ZFP90: variants seen among roughly 807,000 people sequenced by gnomAD.
ZFP90 encodes the protein zinc finger protein 90 homolog.
A neutral mutation model predicts 60.8 loss-of-function variants in ZFP90; 38 were observed. That is an observed-to-expected ratio of 0.62 (90% CI 0.48 to 0.82). ZFP90 has a LOEUF of 0.82. Ranked by LOEUF, ZFP90 falls within the 40% of genes least tolerant of loss-of-function variation. ZFP90 has a pLI of 0.00. For synonymous variants in ZFP90, 287 were observed against 264.8 expected, an observed-to-expected ratio of 1.08 and a Z score of -0.82; for missense variants, 711 against 759.1, an observed-to-expected ratio of 0.94 and a Z score of 0.74.
chr16:68,556,769 A>AG (rs1180001991), intron 2 of ZFP90, among the ~76,000 whole-genome samples: 3 of 152,218 alleles, frequency 2.0e-5, no homozygotes, highest in African/African-American at 7.2e-5. Context: ...CTGGACTAGC[A>AG]GGAAAATTAA....
intron 1 of ZFP90, among the ~76,000 whole-genome samples, chr16:68,533,528 T>G (rs2090940930): frequency 6.6e-6 from 1 of 152,216 alleles, no homozygotes. Flanking sequence ...GGAATCATTT[T>G]CCTTCCATTT....
chr16:68,561,616 A>AT (rs1229215558), intron 4 of ZFP90, among the ~76,000 whole-genome samples: 1 of 152,122 alleles, frequency 6.6e-6, no homozygotes, highest in Non-Finnish European at 1.5e-5. Context: ...AGCTCTGTTT[A>AT]TTATGGTATT....
chr16:68,566,279 G>T lies in ZFP90; in HGVS notation c.*1581G>T. 1.0e-6 allele frequency: 1 copy of T among 985,480 alleles called. No individual in the cohort carries two copies. The highest frequency in any genetic ancestry group is 1.2e-6 in the Non-Finnish European group (1 of 829,942). 61.0% of individuals were successfully genotyped at this position (985,480 alleles called of 1,614,324 possible). A position where few individuals can be genotyped will look rare whatever the true frequency, so the allele number is the denominator to read the frequency against. ...TTGGTGTGTTGACATTGACCATGCA[G>T]ACCAATTTGGGCACAACTGGACATT... On this transcript the variant is annotated 3_prime_UTR_variant, in exon 5 of 5. Coordinates refer to ENST00000563169, the MANE Select transcript of ZFP90 (RefSeq NM_001305203.2).
At position 68,558,480 on chromosome 16, in the gene ZFP90, A is replaced by G; in HGVS notation, c.168A>G (p.Gln56=). Residue 56 remains glutamine (Q), a synonymous_variant, in exon 4 of 5, where the codon CAA becomes CAG. Transcript: ENST00000563169. ...GTATTTACCCATGAGCAGGATATCA[A>G]GTTTCCAAGCCAGAGGTGATCTTCA... ...NYSHLVSLGY[Q]VSKPEVIFKL... is the part of the protein sequence containing the mutation. The G allele has an allele frequency of 6.2e-7, 1 of 1,614,008 alleles. No individual in the cohort carries two copies. Among genetic ancestry groups the G allele is most frequent in the Non-Finnish European group, 8.5e-7 (1 of 1,179,972 alleles).
chr16:68,558,656 C>A, intron 4 of ZFP90, 88 bp downstream of exon 4: 1 of 1,200,678 alleles, frequency 8.3e-7, no homozygotes, highest in Non-Finnish European at 1.2e-6. Flanking sequence ...AGCTGGCTTG[C>A]GATCTCCTAG....
At chr16:68,534,418 C>T (rs555044304), upstream of ZFP90, among the ~76,000 whole-genome samples, 40 of 150,204 alleles carry the variant, frequency 2.7e-4, no homozygotes, top group East Asian at 2.0e-3. Flanking sequence ...TTAGTAGAGA[C>T]GGGGTTTCAC....
rs1420830193 is a variant in ZFP90, at chr16:68,567,119, C to T, written c.*2421C>T. On this transcript the variant is annotated 3_prime_UTR_variant, in exon 5 of 5. Transcript: ENST00000563169. ...TCATTGTATTCTTTCAATAAATAGC[C>T]TTCTGAGTTGAATGGGAGTCAGTTT... The T allele has an allele frequency of 3.0e-6, 3 of 985,422 alleles. No individual in the cohort carries two copies. The highest frequency in any genetic ancestry group is 1.7e-5 in the African/African-American group (1 of 57,222). The allele number at this position is 985,422 out of a possible 1,614,324, so 61.0% of individuals were successfully genotyped here.
In ZFP90 at chr16:68,558,649, T is replaced by G. The variant is rs2091386575; in HGVS notation, c.256+81T>G. On this transcript the variant is annotated intron_variant, in intron 4 of 4. Coordinates refer to ENST00000563169, the MANE Select transcript of ZFP90 (RefSeq NM_001305203.2). ...GGAGGGGGAGATACCCTCCAGCAGC[T>G]GGCTTGCGATCTCCTAGATCTGCAT... 9 of 1,282,132 alleles carry G rather than the reference T, an allele frequency of 7.0e-6. No individual in the cohort carries two copies. The South Asian group carries it at 1.1e-4, about 16-fold the overall frequency. The allele number at this position is 1,282,132 out of a possible 1,614,324, so 79.4% of individuals were successfully genotyped here.
intron 2 of ZFP90, among the ~76,000 whole-genome samples, chr16:68,556,992 T>G (rs1415453258): frequency 3.9e-5 from 6 of 152,082 alleles, no homozygotes; most frequent in Non-Finnish European, 7.4e-5. Flanking sequence ...GGAATTGCAT[T>G]TTACTCTCTT....
At chr16:68,538,791 C>A (rs1188197302), upstream of ZFP90, among the ~76,000 whole-genome samples, 1 of 152,074 alleles carries the variant, frequency 6.6e-6, no homozygotes, top group Non-Finnish European at 1.5e-5. Flanking sequence ...TGAAATAACA[C>A]GGCAGTAGAT....
At chr16:68,541,582 C>T (rs2091050499) in intron 2 of ZFP90, among the ~76,000 whole-genome samples, 1 of 152,106 alleles carries the variant, frequency 6.6e-6, no homozygotes, top group Admixed American at 6.5e-5. Flanking sequence ...CAGGCGTGAG[C>T]CACCGGGCCC....
rs1270761775 is a variant in ZFP90 at position 68,564,112 on chromosome 16, G to A, written c.1325G>A (p.Ser442Asn). 2 of 1,614,142 alleles carry A rather than the reference G, an allele frequency of 1.2e-6. No individual in the cohort carries two copies. The highest frequency in any genetic ancestry group is 8.5e-7 in the Non-Finnish European group (1 of 1,180,014). The change falls in exon 5 of 5, where the codon AGC (serine) becomes AAC (asparagine). Residue 442 changes from serine (S) to asparagine (N), a missense_variant. By Grantham distance (46) the Ser-to-Asn change is conservative (BLOSUM62 1). Coordinates refer to ENST00000563169, the MANE Select transcript of ZFP90 (RefSeq NM_001305203.2). ...AGCACATCTCTCACTCAAGATGAAA[G>A]CACTCTTACCGAAGTGAAATCCTAC... is the stretch of plus-strand genomic sequence containing the variant. ...KHSTSLTQDE[S>N]TLTEVKSYHC...
Position 68,574,478 on chromosome 16 carries a change from G to A in ZFP90, c.224-1313G>A, listed in dbSNP as rs117615467. On this transcript the variant is annotated intron_variant, in intron 2 of 2. Transcript: ENST00000573113. ...CTGAATTTCCCACAGAAAATAAGCT[G>A]GCAAACATGTTGAAAAAAAAAAAAT... Among the ~76,000 whole-genome samples, 998 of 111,396 alleles carry A rather than the reference G, an allele frequency of 9.0e-3. 10 individuals carry two copies. The highest frequency in any genetic ancestry group is 0.015 in the Non-Finnish European group (822 of 55,466). The allele number at this position is 111,396 out of a possible 152,430, so 73.1% of individuals were successfully genotyped here.
At chr16:68,548,732 C>T (rs564497116) in intron 2 of ZFP90, among the ~76,000 whole-genome samples, 23 of 152,126 alleles carry the variant, frequency 1.5e-4, no homozygotes, top group African/African-American at 5.1e-4. Context: ...TCAGGTGATT[C>T]GCCCGCCTCG....
At chr16:68,544,674 C>G (rs976593230) in intron 2 of ZFP90, among the ~76,000 whole-genome samples, 1 of 152,004 alleles carries the variant, frequency 6.6e-6, no homozygotes, top group African/African-American at 2.4e-5. Context: ...CCAGGGGAAA[C>G]CAGACCACTT....
rs1455220360 is a variant in ZFP90, at chr16:68,566,726, C to T, written c.*2028C>T. On this transcript the variant is annotated 3_prime_UTR_variant, in exon 5 of 5. Coordinates refer to ENST00000563169, the MANE Select transcript of ZFP90 (RefSeq NM_001305203.2). ...TTGACAATGGGTAATTCTACTCAGACCCTCCCTACTGATTGGCTAGGATGC... is the reference window on the plus strand; with the variant it reads ...TTGACAATGGGTAATTCTACTCAGATCCTCCCTACTGATTGGCTAGGATGC... 9.1e-6 allele frequency: 9 copies of T among 985,450 alleles called. No individual in the cohort carries two copies. Among genetic ancestry groups the T allele is most frequent in the Non-Finnish European group, 9.6e-6 (8 of 829,952 alleles). The allele number at this position is 985,450 out of a possible 1,614,324, so 61.0% of individuals were successfully genotyped here. A position where few individuals can be genotyped will look rare whatever the true frequency, so the allele number is the denominator to read the frequency against.
chr16:68,558,920 G>A (rs16958109), intron 4 of ZFP90, among the ~76,000 whole-genome samples: 5,176 of 152,128 alleles, frequency 0.034, 277 homozygotes, highest in African/African-American at 0.12. Context: ...ACTGTCAGAT[G>A]CCCCAGACTT....
Position 68,564,799 on chromosome 16 carries a change from T to C in ZFP90, c.*101T>C. ...GCTTGGGAATGTAATGAATTACGTG[T>C]GTGTTTATACGTTGTGTGTGGAGAA... On this transcript the variant is annotated 3_prime_UTR_variant, in exon 5 of 5. Coordinates refer to ENST00000563169, the MANE Select transcript of ZFP90 (RefSeq NM_001305203.2). 6.8e-7 allele frequency: 1 copy of C among 1,462,734 alleles called. No individual in the cohort carries two copies. Among genetic ancestry groups the C allele is most frequent in the Non-Finnish European group, 9.0e-7 (1 of 1,113,134 alleles). 90.6% of individuals were successfully genotyped at this position (1,462,734 alleles called of 1,614,324 possible).
intron 2 of ZFP90, chr16:68,557,153 A>G (rs1029649101): frequency 1.1e-5 from 5 of 453,460 alleles, no homozygotes; most frequent in African/African-American, 1.0e-4. Context: ...ATGCCAGGCT[A>G]ATTTTTTGAT....
Sources: gnomAD v4.1 joint callset for allele counts (sites outside exome capture counted in the v4.1 genomes callset) on GRCh38, gnomAD v4.1.1 for gene constraint, MANE v1.5 for transcripts, NCBI Gene and HGNC (gene_info 2026-07-23, HGNC 2026-07-21) for gene names.